LRP1B: variants seen among roughly 807,000 people sequenced by gnomAD.
LRP1B encodes LDL receptor related protein 1B.
A neutral mutation model predicts 556.6 loss-of-function variants in LRP1B; 217 were observed. The observed-to-expected ratio is 0.39, with a 90% confidence interval of 0.35 to 0.44. The LOEUF (loss-of-function observed/expected upper bound fraction) is 0.44, where lower values mean the gene tolerates loss of function less well. Ranked by LOEUF, LRP1B falls within the 20% of genes least tolerant of loss-of-function variation. The pLI, the probability that LRP1B is intolerant of heterozygous loss-of-function variation, is 1.00. For synonymous variants in LRP1B, 2,047 were observed against 1,865.8 expected (o/e 1.10, Z -2.50); for missense variants, 5,053 against 5,620.8 (o/e 0.90, Z 3.23).
chr2:141,574,625 G>T (rs1686668020), intron 2 of LRP1B, among the ~76,000 whole-genome samples: 1 of 152,050 alleles, frequency 6.6e-6, no homozygotes, highest in Non-Finnish European at 1.5e-5. Context: ...GCAAGAGAAA[G>T]AAATAAAGAT....
At chr2:140,648,895 C>T (rs1684577755) in intron 41 of LRP1B, among the ~76,000 whole-genome samples, 2 of 152,036 alleles carry the variant, frequency 1.3e-5, no homozygotes, top group Non-Finnish European at 2.9e-5. Flanking sequence ...TTGTATGAAA[C>T]ACAATTTATA....
chr2:141,267,876 G>A lies in LRP1B; in HGVS notation c.344-13235C>T, dbSNP rs184715364. Among the ~76,000 whole-genome samples the A allele has an allele frequency of 2.0e-3, 308 of 152,254 alleles. 1 individual carries two copies. The Middle Eastern group carries it at 0.024, about 12-fold the overall frequency. ...AGGTAGTAGTAGCAGTTGGGTTAGC[G>A]GAGGTTTGGCAACATGAATAATGTA... On this transcript the variant is annotated intron_variant, in intron 3 of 90. Coordinates refer to ENST00000389484, the MANE Select transcript of LRP1B (RefSeq NM_018557.3).
chr2:141,058,674 A>G (rs1297280602), intron 9 of LRP1B, among the ~76,000 whole-genome samples: 1 of 151,868 alleles, frequency 6.6e-6, no homozygotes, highest in African/African-American at 2.4e-5. Flanking sequence ...TTTCAATTCT[A>G]TCATAGAAAC....
chr2:141,079,865 T>A (rs1475194817), intron 7 of LRP1B, among the ~76,000 whole-genome samples: 1 of 152,198 alleles, frequency 6.6e-6, no homozygotes, highest in Non-Finnish European at 1.5e-5. Context: ...GAATCCAGCA[T>A]TAGATTCTAA....
At chr2:140,861,531 A>G (rs1304559203) in intron 27 of LRP1B, among the ~76,000 whole-genome samples, 1 of 152,232 alleles carries the variant, frequency 6.6e-6, no homozygotes, top group Non-Finnish European at 1.5e-5. Context: ...ACAAGAAGTC[A>G]GGATTTGACA....
chr2:140,901,791 G>A (rs1331413160), intron 23 of LRP1B, among the ~76,000 whole-genome samples: 1 of 152,132 alleles, frequency 6.6e-6, no homozygotes, highest in African/African-American at 2.4e-5. Context: ...TTATTTTGAT[G>A]TCATGAAATT....
At chr2:141,009,478 G>A (rs758950327) in intron 14 of LRP1B, among the ~76,000 whole-genome samples, 5 of 151,938 alleles carry the variant, frequency 3.3e-5, no homozygotes, top group African/African-American at 4.8e-5. Context: ...ATGTAAGTGT[G>A]TGTGTGTAAC....
chr2:140,715,026 G>A (rs566302455), intron 37 of LRP1B, among the ~76,000 whole-genome samples: 5 of 152,184 alleles, frequency 3.3e-5, no homozygotes, highest in Non-Finnish European at 5.9e-5. Context: ...AGCATTGCAG[G>A]TAAAAGGAAG....
At chr2:141,903,319 T>A (rs10183142) in intron 1 of LRP1B, among the ~76,000 whole-genome samples, 66,377 of 151,672 alleles carry the variant, frequency 0.44, 14,850 homozygotes, top group South Asian at 0.56. Context: ...TTCTCCATGC[T>A]GTGCAACAAG....
chr2:141,582,827 CTTTTTTTTTTTTTTTT>C (rs869158175), intron 2 of LRP1B, among the ~76,000 whole-genome samples: 19 of 71,754 alleles, frequency 2.6e-4, no homozygotes, highest in Non-Finnish European at 3.9e-4. Flanking sequence ...ACCTATTAAA[CTTTTTTTTTTTTTTTT>C]TTTTTTTTTT....
At position 141,936,319 on chromosome 2, in the gene LRP1B, T is replaced by C. The variant is rs142533930; in HGVS notation, c.83-125918A>G. 7.5e-4 allele frequency among the ~76,000 whole-genome samples: 115 copies of C among 152,334 alleles called. 1 individual carries two copies. Among genetic ancestry groups the C allele is most frequent in the African/African-American group, 2.7e-3 (113 of 41,582 alleles). On this transcript the variant is annotated intron_variant, in intron 1 of 90. Coordinates refer to ENST00000389484, the MANE Select transcript of LRP1B (RefSeq NM_018557.3). ...ATTATTTGCAAATGATATGTCTATG[T>C]AGAAAATCTGAAATAAACTAGTTTA...
At chr2:141,088,913 T>G (rs1228318532) in intron 7 of LRP1B, among the ~76,000 whole-genome samples, 1 of 152,178 alleles carries the variant, frequency 6.6e-6, no homozygotes, top group African/African-American at 2.4e-5. Flanking sequence ...CCCTCTGAGA[T>G]AACATAAAAG....
intron 7 of LRP1B, among the ~76,000 whole-genome samples, chr2:141,172,603 T>C (rs183669463): frequency 1.3e-5 from 2 of 152,156 alleles, no homozygotes; most frequent in Non-Finnish European, 1.5e-5. Context: ...CTGTTGATAT[T>C]CACTATCAAC....
chr2:140,376,665 C>A (rs74929309), intron 68 of LRP1B, among the ~76,000 whole-genome samples: 3,327 of 152,072 alleles, frequency 0.022, 46 homozygotes, highest in Non-Finnish European at 0.023. Flanking sequence ...GCGACCTTTG[C>A]ATCCTTGAGA....
At position 140,514,753 on chromosome 2, in the gene LRP1B, G is replaced by T. The variant is rs760469203; in HGVS notation, c.8169C>A (p.Asn2723Lys). The T allele has an allele frequency of 6.2e-7, 1 of 1,610,076 alleles. No homozygotes were observed. ...ATTTTTGTGCGGAACAAGCAAATTG[G>T]TTCCAAGAGCAAGAAGAATCTAGGA... ...EFHCDSSCSWNQFACSAQKCI... is the reference protein window; with the variant it reads ...EFHCDSSCSWKQFACSAQKCI... The change falls in exon 51 of 91, where the codon AAC (asparagine) becomes AAA (lysine). Residue 2723 changes from asparagine to lysine, a missense_variant. Physicochemically the swap from Asn to Lys is moderately conservative, Grantham distance 94. Coordinates refer to ENST00000389484, the MANE Select transcript of LRP1B (RefSeq NM_018557.3).
chr2:140,335,907 A>T, intron 77 of LRP1B, 69 bp from the exon 78 acceptor site: 1 of 942,754 alleles, frequency 1.1e-6, no homozygotes, highest in Non-Finnish European at 1.7e-6. Flanking sequence ...CTGTATCTTT[A>T]CATTGAAGTT....
chr2:141,745,454 C>T (rs1693880986), intron 2 of LRP1B, among the ~76,000 whole-genome samples: 1 of 152,112 alleles, frequency 6.6e-6, no homozygotes, highest in African/African-American at 2.4e-5. Context: ...CACCCTATGG[C>T]CACCACCACC....
At chr2:140,359,370 A>G (rs191806352) in intron 72 of LRP1B, among the ~76,000 whole-genome samples, 1 of 151,856 alleles carries the variant, frequency 6.6e-6, no homozygotes, top group East Asian at 1.9e-4. Flanking sequence ...AGTGAAAACA[A>G]ACAAAAATCC....
chr2:141,987,526 C>T (rs541142014), intron 1 of LRP1B, among the ~76,000 whole-genome samples: 4 of 149,292 alleles, frequency 2.7e-5, no homozygotes, highest in South Asian at 2.1e-4. Flanking sequence ...TACAGAAAAC[C>T]GGTTGGGATG....
Sources: gnomAD v4.1 joint callset for allele counts (sites outside exome capture counted in the v4.1 genomes callset) on GRCh38, gnomAD v4.1.1 for gene constraint, MANE v1.5 for transcripts, NCBI Gene and HGNC (gene_info 2026-07-23, HGNC 2026-07-21) for gene names.